ATXN10: variants seen among roughly 807,000 people sequenced by gnomAD.
ATXN10 encodes the protein ataxin-10.
A neutral mutation model predicts 52.9 loss-of-function variants in ATXN10; 28 were observed. The ratio of observed to expected loss-of-function variants is 0.53; its 90% CI spans 0.39 to 0.73. ATXN10 has a LOEUF of 0.73. Ranked by LOEUF, ATXN10 falls within the 30% of genes least tolerant of loss-of-function variation. The probability of loss-of-function intolerance (pLI) is 0.00; values close to 1 mark genes in which losing one functional copy is unlikely to be tolerated. For missense variants in ATXN10, 565 were observed against 577.0 expected (o/e 0.98, Z 0.21); for synonymous variants, 226 against 221.5 (o/e 1.02, Z -0.18).
At position 45,825,110 on chromosome 22, in the gene ATXN10, G is replaced by A. The variant is rs1928773971; in HGVS notation, c.1238-17881G>A. 6.6e-6 allele frequency among the ~76,000 whole-genome samples: 1 copy of A among 152,178 alleles called. No homozygotes were observed. Among genetic ancestry groups the A allele is most frequent in the South Asian group, 2.1e-4 (1 of 4,818 alleles). ...TAGAGCATCTTGCAAGCAGCTTGTGGGAGCCAGGTAGGGTGGGCCAAAAAG... is the reference window on the plus strand; with the variant it reads ...TAGAGCATCTTGCAAGCAGCTTGTGAGAGCCAGGTAGGGTGGGCCAAAAAG... On this transcript the variant is annotated intron_variant, in intron 10 of 11. Transcript: ENST00000252934. The surrounding 1 kb of genome is among the most constrained non-coding windows in gnomAD (Gnocchi z 4.5).
At chr22:45,687,134 C>A (rs924812549) in intron 1 of ATXN10, among the ~76,000 whole-genome samples, 1 of 152,138 alleles carries the variant, frequency 6.6e-6, no homozygotes, top group Non-Finnish European at 1.5e-5. Flanking sequence ...CAGTTAAATG[C>A]TTTTCATTTG....
chr22:45,725,337 T>C (rs1924823150), intron 6 of ATXN10, among the ~76,000 whole-genome samples: 1 of 152,126 alleles, frequency 6.6e-6, no homozygotes, highest in Admixed American at 6.5e-5. Flanking sequence ...CTTTCAGCCA[T>C]GTTTTATAGT....
intron 10 of ATXN10, among the ~76,000 whole-genome samples, chr22:45,830,392 T>G (rs1476275404): frequency 6.6e-6 from 1 of 151,948 alleles, no homozygotes; most frequent in Non-Finnish European, 1.5e-5. Context: ...TTCAACAGAG[T>G]GAAAGAATCA....
intron 7 of ATXN10, 109 bp from the exon 8 acceptor site, chr22:45,738,620 GCA>G: frequency 1.1e-6 from 1 of 937,204 alleles, no homozygotes; most frequent in South Asian, 1.5e-5. Flanking sequence ...CTTATTACAA[GCA>G]CAGACTCTTT....
rs1929070726 is a variant in ATXN10, at chr22:45,833,816, G to A, written c.1238-9175G>A. Among the ~76,000 whole-genome samples, 1 of 152,140 alleles carries A rather than the reference G, an allele frequency of 6.6e-6. No individual in the cohort carries two copies. The highest frequency in any genetic ancestry group is 2.4e-5 in the African/African-American group (1 of 41,428). On this transcript the variant is annotated intron_variant, in intron 10 of 11. Transcript: ENST00000252934. The surrounding 1 kb of genome is among the most constrained non-coding windows in gnomAD (Gnocchi z 4.3). ...AAGAAGAACTGCTCTGCCCTCCAGA[G>A]GTCTCTCTGGATGGACTGGTCGCGA... is the stretch of plus-strand genomic sequence containing the variant.
At position 45,708,311 on chromosome 22, in the gene ATXN10, A is replaced by C. The variant is rs1924117498; in HGVS notation, c.647+5464A>C. On this transcript the variant is annotated intron_variant, in intron 5 of 11. Coordinates refer to ENST00000252934, the MANE Select transcript of ATXN10 (RefSeq NM_013236.4). This position sits in a 1 kb window ranked among gnomAD's most constrained non-coding sequence, Gnocchi z 5.3. The stretch of plus-strand genomic sequence containing the variant: ...GTTAGGTCAGTCAGTGCAGAATTAC[A>C]CAGTAGAGGAAGAGGTAGGACTGCC... 6.6e-6 allele frequency among the ~76,000 whole-genome samples: 1 copy of C among 152,218 alleles called. No homozygotes were observed.
chr22:45,715,996 A>G lies in ATXN10; in HGVS notation c.648-2417A>G, dbSNP rs1924429385. ...CAAAAGCAGCCAAGTGTGGTGGCTC[A>G]TGCCTGTAATCCCAGCACTTTGGGA... On this transcript the variant is annotated intron_variant, in intron 5 of 11. Transcript: ENST00000252934. This position sits in a 1 kb window ranked among gnomAD's most constrained non-coding sequence, Gnocchi z 4.4. Among the ~76,000 whole-genome samples, 1 of 152,188 alleles carries G rather than the reference A, an allele frequency of 6.6e-6. No homozygotes were observed. Among genetic ancestry groups the G allele is most frequent in the Non-Finnish European group, 1.5e-5 (1 of 68,010 alleles).
At position 45,762,468 on chromosome 22, in the gene ATXN10, G is replaced by C. The variant is rs1189556609; in HGVS notation, c.1173+21930G>C. On this transcript the variant is annotated intron_variant, in intron 9 of 11. Transcript: ENST00000252934. This position sits in a 1 kb window ranked among gnomAD's most constrained non-coding sequence, Gnocchi z 4.3. ...ACGGTGCATGTTCTGGCTGAGTGTT[G>C]GTGGGCTCCACCCTAGCCGAACCTG... is the stretch of plus-strand genomic sequence containing the variant. 6.6e-6 allele frequency among the ~76,000 whole-genome samples: 1 copy of C among 152,188 alleles called. No individual in the cohort carries two copies. The highest frequency in any genetic ancestry group is 2.4e-5 in the African/African-American group (1 of 41,456).
At chr22:45,742,533 A>G (rs923414910) in intron 9 of ATXN10, among the ~76,000 whole-genome samples, 23 of 150,776 alleles carry the variant, frequency 1.5e-4, no homozygotes, top group Non-Finnish European at 2.7e-4. Context: ...TCTAAAATAA[A>G]AAAAAAAAAA....
At chr22:45,731,288 T>C (rs1271501755) in intron 7 of ATXN10, among the ~76,000 whole-genome samples, 1 of 152,180 alleles carries the variant, frequency 6.6e-6, no homozygotes, top group Non-Finnish European at 1.5e-5. Context: ...AGGCCAGATA[T>C]ATCGGTCATG....
chr22:45,680,483 T>C (rs770157273), intron 1 of ATXN10, among the ~76,000 whole-genome samples: 29 of 152,200 alleles, frequency 1.9e-4, no homozygotes, highest in Non-Finnish European at 2.8e-4. Flanking sequence ...TTCTAAGTTA[T>C]ATGAGAAACT....
At chr22:45,698,478 T>C (rs934842819) in intron 3 of ATXN10, among the ~76,000 whole-genome samples, 2 of 152,228 alleles carry the variant, frequency 1.3e-5, no homozygotes, top group African/African-American at 4.8e-5. Flanking sequence ...CTATTTCTTG[T>C]AGAGTTGTAA....
chr22:45,713,509 TC>T (rs1238923434), intron 5 of ATXN10, among the ~76,000 whole-genome samples: 1 of 152,180 alleles, frequency 6.6e-6, no homozygotes, highest in Admixed American at 6.5e-5. Context: ...ATATGACCGT[TC>T]CTCGTCCTTA....
rs1922760628 is a variant in ATXN10 at position 45,677,775 on chromosome 22, C to T, written c.116+5596C>T. ...ACTTCAGTGAGAGACTACTGCATGCCGTTTAGGATGGCTATTATCCAAAAA... is the reference window on the plus strand; with the variant it reads ...ACTTCAGTGAGAGACTACTGCATGCTGTTTAGGATGGCTATTATCCAAAAA... On this transcript the variant is annotated intron_variant, in intron 1 of 11. Coordinates refer to ENST00000252934, the MANE Select transcript of ATXN10 (RefSeq NM_013236.4). This position sits in a 1 kb window ranked among gnomAD's most constrained non-coding sequence, Gnocchi z 4.1. The T allele has an allele frequency of 6.6e-6, 1 of 152,042 alleles. No individual in the cohort carries two copies. 9.4% of individuals were successfully genotyped at this position (152,042 alleles called of 1,614,324 possible). A position where few individuals can be genotyped will look rare whatever the true frequency, so the allele number is the denominator to read the frequency against.
chr22:45,729,506 G>A lies in ATXN10; in HGVS notation c.810G>A (p.Arg270=). 6.2e-7 allele frequency: 1 copy of A among 1,614,082 alleles called. No individual in the cohort carries two copies. The highest frequency in any genetic ancestry group is 8.5e-7 in the Non-Finnish European group (1 of 1,180,004). The change falls in exon 7 of 12, where the codon CGG becomes CGA. Residue 270 remains arginine (R), a synonymous_variant. Coordinates refer to ENST00000252934, the MANE Select transcript of ATXN10 (RefSeq NM_013236.4). Reference sequence around the variant, plus strand: ...AGGATGACATCCCTGTGTTTTTGCGGCATGCTGAGTTGATTGCAAGCACCT... The same window carrying A: ...AGGATGACATCCCTGTGTTTTTGCGACATGCTGAGTTGATTGCAAGCACCT... The part of the protein sequence containing the change: ...LTKDDIPVFL[R]HAELIASTFV...
Position 45,768,244 on chromosome 22 carries a change from G to A in ATXN10, c.1173+27706G>A, listed in dbSNP as rs147625690. Among the ~76,000 whole-genome samples, 424 of 152,208 alleles carry A rather than the reference G, an allele frequency of 2.8e-3. 5 individuals are homozygous for A. Among genetic ancestry groups the A allele is most frequent in the African/African-American group, 9.7e-3 (402 of 41,522 alleles). On this transcript the variant is annotated intron_variant, in intron 9 of 11. Coordinates refer to ENST00000252934, the MANE Select transcript of ATXN10 (RefSeq NM_013236.4). Reference sequence around the variant, plus strand: ...CTCCTTGGAGATATGGCTGGTTTTAGGTGGGGCAGGAAATGGGGAAGGTGG... The same window carrying A: ...CTCCTTGGAGATATGGCTGGTTTTAAGTGGGGCAGGAAATGGGGAAGGTGG...
chr22:45,753,490 C>T (rs1926065991), intron 9 of ATXN10, among the ~76,000 whole-genome samples: 1 of 138,748 alleles, frequency 7.2e-6, no homozygotes, highest in Non-Finnish European at 1.5e-5. Context: ...ACTGCAACCT[C>T]CGCCTCCCGG....
At chr22:45,832,208 C>T (rs1797842056) in intron 10 of ATXN10, among the ~76,000 whole-genome samples, 1 of 152,232 alleles carries the variant, frequency 6.6e-6, no homozygotes, top group South Asian at 2.1e-4. Flanking sequence ...GAATGCAGTA[C>T]AGCAAGCTCC....
intron 9 of ATXN10, among the ~76,000 whole-genome samples, chr22:45,745,393 G>T (rs1012019753): frequency 6.6e-6 from 1 of 152,046 alleles, no homozygotes; most frequent in African/African-American, 2.4e-5. Flanking sequence ...CCATATATCC[G>T]TTCTGCTAAA....
Sources: allele counts gnomAD v4.1 joint callset (sites outside exome capture counted in the v4.1 genomes callset), GRCh38; gene constraint gnomAD v4.1.1; non-coding constraint Gnocchi (gnomAD v3.1); transcripts MANE v1.5; gene names NCBI Gene and HGNC (gene_info 2026-07-23, HGNC 2026-07-21).